Variants in ERLIN1 observed in about 807,000 individuals in gnomAD.
ERLIN1 encodes the protein erlin-1.
In ERLIN1, 24 loss-of-function variants were observed where a neutral mutation model predicts 46.9. The observed-to-expected ratio is 0.51, with a 90% confidence interval of 0.37 to 0.72. ERLIN1 has a LOEUF of 0.72. Ranked by LOEUF, ERLIN1 falls within the 30% of genes least tolerant of loss-of-function variation. The pLI is 0.00. For synonymous variants in ERLIN1, 158 were observed against 143.2 expected (o/e 1.10, Z -0.74); for missense variants, 293 against 417.9 (o/e 0.70, Z 2.61).
In ERLIN1 at chr10:100,152,175, G is replaced by A; in HGVS notation, c.1003C>T (p.Pro335Ser). The change falls in exon 11 of 11, where the codon CCC becomes TCC. Residue 335 changes from proline to serine, a missense_variant. Pro to Ser is a moderately conservative substitution (Grantham distance 74). Around this residue, in one of 3 missense-constraint regions of ERLIN1, gnomAD observed 69 missense variants for 74.5 expected, o/e 0.93. Transcript: ENST00000421367. ...TTTTGGATGACGTTCTCTCCAGAGG[G>A]TTCAAGAGCCTCCTTAGAGGGGAGT... Reference protein sequence around the residue: ...SSLPSKEALEPSGENVIQNKE... With the variant: ...SSLPSKEALESSGENVIQNKE... 4 of 1,613,538 alleles carry A rather than the reference G, an allele frequency of 2.5e-6. No homozygotes were observed. The highest frequency in any genetic ancestry group is 3.4e-6 in the Non-Finnish European group (4 of 1,179,454).
chr10:100,176,361 C>G (rs1210699312), intron 4 of ERLIN1, among the ~76,000 whole-genome samples: 5 of 152,090 alleles, frequency 3.3e-5, no homozygotes. Flanking sequence ...TAATAAGGAA[C>G]TATCAAAGGT....
intron 7 of ERLIN1, among the ~76,000 whole-genome samples, chr10:100,166,758 A>G (rs1843666338): frequency 6.6e-6 from 1 of 152,196 alleles, no homozygotes; most frequent in African/African-American, 2.4e-5. Context: ...CAAACACAGT[A>G]AGTATTCCCC....
intron 6 of ERLIN1, among the ~76,000 whole-genome samples, chr10:100,172,099 A>C (rs1844034908): frequency 2.0e-5 from 3 of 152,238 alleles, no homozygotes; most frequent in Non-Finnish European, 4.4e-5. Context: ...TGTACAGAAT[A>C]TATAAGCTTG....
intron 2 of ERLIN1, among the ~76,000 whole-genome samples, chr10:100,182,364 A>G (rs561101100): frequency 6.6e-6 from 1 of 152,218 alleles, no homozygotes; most frequent in Non-Finnish European, 1.5e-5. Context: ...TAATGCTGCC[A>G]TTGCTAACAT....
At chr10:100,160,750 C>A (rs778997139) in intron 8 of ERLIN1, among the ~76,000 whole-genome samples, 57 of 152,248 alleles carry the variant, frequency 3.7e-4, no homozygotes, top group Middle Eastern at 6.8e-3. Flanking sequence ...AATTCAAGAC[C>A]AGCCTGGGCA....
At chr10:100,169,939 G>C (rs1843889838) in intron 6 of ERLIN1, among the ~76,000 whole-genome samples, 1 of 152,008 alleles carries the variant, frequency 6.6e-6, no homozygotes, top group South Asian at 2.1e-4. Context: ...AATCACTTGA[G>C]CCCAGGAGTT....
intron 6 of ERLIN1, among the ~76,000 whole-genome samples, chr10:100,173,915 A>G (rs1188873095): frequency 6.6e-6 from 1 of 152,152 alleles, no homozygotes; most frequent in African/African-American, 2.4e-5. Flanking sequence ...TTATGCTTAC[A>G]CTGATTTATA....
intron 7 of ERLIN1, 126 bp downstream of exon 7, chr10:100,167,222 G>T: frequency 1.4e-6 from 1 of 705,542 alleles, no homozygotes. Context: ...ACTAGAGTAA[G>T]AGTAAAGAAG....
At chr10:100,173,115 T>C (rs893055601) in intron 6 of ERLIN1, among the ~76,000 whole-genome samples, 2 of 152,220 alleles carry the variant, frequency 1.3e-5, no homozygotes, top group Admixed American at 1.3e-4. Flanking sequence ...CTTTCAGTCT[T>C]GTTTTTGAGA....
In ERLIN1 at chr10:100,167,395, A is replaced by G; in HGVS notation, c.516T>C (p.Val172=). 12 of 1,613,368 alleles carry G rather than the reference A, an allele frequency of 7.4e-6. No homozygotes were observed. Among genetic ancestry groups the G allele is most frequent in the Non-Finnish European group, 1.0e-5 (12 of 1,179,508 alleles). The change falls in exon 7 of 11, where the codon GTT becomes GTC. Residue 172 remains valine, a synonymous_variant. Coordinates refer to ENST00000421367, the MANE Select transcript of ERLIN1 (RefSeq NM_006459.4). ...APGLTIQAVR[V]TKPKIPEAIR... ...TGGCTTCTGGGATTTTGGGTTTTGT[A>G]ACACGCACAGCCTAAAAAATAAAAG... is the stretch of plus-strand genomic sequence containing the variant.
At chr10:100,173,317 G>A (rs957423126) in intron 6 of ERLIN1, among the ~76,000 whole-genome samples, 2 of 152,124 alleles carry the variant, frequency 1.3e-5, no homozygotes, top group East Asian at 1.9e-4. Flanking sequence ...AGGTCATCTG[G>A]ATCCAGAGCA....
intron 10 of ERLIN1, among the ~76,000 whole-genome samples, chr10:100,154,653 C>T (rs1404657531): frequency 6.6e-6 from 1 of 152,228 alleles, no homozygotes; most frequent in East Asian, 1.9e-4. Flanking sequence ...TATAGCAGTA[C>T]AAATGAATGG....
At chr10:100,164,745 C>T (rs1213850887) in intron 7 of ERLIN1, among the ~76,000 whole-genome samples, 2 of 152,090 alleles carry the variant, frequency 1.3e-5, no homozygotes, top group African/African-American at 2.4e-5. Context: ...CATTATGACA[C>T]AAGTGGAAAA....
chr10:100,162,646 A>T lies in ERLIN1; in HGVS notation c.655+1358T>A, dbSNP rs151109777. 3.2e-3 allele frequency among the ~76,000 whole-genome samples: 495 copies of T among 152,354 alleles called. 8 individuals carry two copies. The East Asian group carries it at 0.036, about 11-fold the overall frequency. On this transcript the variant is annotated intron_variant, in intron 8 of 10. Transcript: ENST00000421367. The stretch of plus-strand genomic sequence containing the variant: ...TATTTCAATTTATGAGGAACCAATA[A>T]ATTGTAAACTATAACAAAAACAAAT...
rs1230423922 is a variant in ERLIN1, at chr10:100,179,255, G to A, written c.196-8C>T. ...ATCAGTTTGTAGTGTTGTCTAGGGAGGAAAAGATATCTCATCAACACTCAA... is the reference window on the plus strand; with the variant it reads ...ATCAGTTTGTAGTGTTGTCTAGGGAAGAAAAGATATCTCATCAACACTCAA... On this transcript the variant is annotated splice_region_variant and splice_polypyrimidine_tract_variant and intron_variant, in intron 2 of 10. Coordinates refer to ENST00000421367, the MANE Select transcript of ERLIN1 (RefSeq NM_006459.4). The A allele has an allele frequency of 1.3e-6, 2 of 1,586,766 alleles. No individual in the cohort carries two copies. The highest frequency in any genetic ancestry group is 1.3e-5 in the African/African-American group (1 of 74,466).
chr10:100,163,658 C>T (rs1843479010), intron 8 of ERLIN1, among the ~76,000 whole-genome samples: 2 of 152,156 alleles, frequency 1.3e-5, no homozygotes, highest in Admixed American at 6.5e-5. Flanking sequence ...AGGATGCATA[C>T]TACAATCTGA....
At chr10:100,174,316 T>C (rs1427974696) in intron 5 of ERLIN1, 35 bp from the exon 6 acceptor site, 3 of 1,464,928 alleles carry the variant, frequency 2.0e-6, no homozygotes, top group East Asian at 2.5e-5. Context: ...GATCTCATGA[T>C]AGTCAATTTT....
chr10:100,174,320 CA>C, intron 5 of ERLIN1, 39 bp from the exon 6 acceptor site: 7 of 1,434,454 alleles, frequency 4.9e-6, no homozygotes, highest in East Asian at 2.5e-5. Flanking sequence ...TCATGATAGT[CA>C]ATTTTTTTTA....
Position 100,176,086 on chromosome 10 carries a change from A to C in ERLIN1, c.305-16T>G, listed in dbSNP as rs1315531132. The C allele has an allele frequency of 4.4e-6, 7 of 1,603,856 alleles. No homozygotes were observed. Among genetic ancestry groups the C allele is most frequent in the Non-Finnish European group, 4.3e-6 (5 of 1,174,478 alleles). ...ATATCAAACACTGAAGGAGAGGTACAACCCATGTTTGTTTTACCCAACAAT... is the reference window on the plus strand; with the variant it reads ...ATATCAAACACTGAAGGAGAGGTACCACCCATGTTTGTTTTACCCAACAAT... On this transcript the variant is annotated splice_polypyrimidine_tract_variant and intron_variant, in intron 4 of 10. Coordinates refer to ENST00000421367, the MANE Select transcript of ERLIN1 (RefSeq NM_006459.4).
Sources: gnomAD v4.1 joint callset for allele counts (sites outside exome capture counted in the v4.1 genomes callset) on GRCh38, gnomAD v4.1.1 for gene constraint, gnomAD v4.1.1 regional missense constraint, MANE v1.5 for transcripts, NCBI Gene and HGNC (gene_info 2026-07-23, HGNC 2026-07-21) for gene names.